The following CPNE8 variants were observed in gnomAD, a reference collection of about 807,000 sequenced individuals.
CPNE8 encodes the protein copine 8.
Under a neutral mutation model 81.5 loss-of-function variants are expected in CPNE8, and 45 were observed. The ratio of observed to expected loss-of-function variants is 0.55; its 90% CI spans 0.44 to 0.71. The LOEUF is 0.71. Ranked by LOEUF, CPNE8 falls within the 30% of genes least tolerant of loss-of-function variation. The probability of loss-of-function intolerance (pLI) is 0.00; values close to 1 mark genes in which losing one functional copy is unlikely to be tolerated. For synonymous variants in CPNE8, 252 were observed against 226.3 expected, an observed-to-expected ratio of 1.11 and a Z score of -1.02; for missense variants, 594 against 672.1, an observed-to-expected ratio of 0.88 and a Z score of 1.28.
Position 38,762,200 on chromosome 12 carries a change from T to C in CPNE8, c.592A>G (p.Lys198Glu). ...NEDGSFTICH[K>E]TEVVKNTLNP... ...AGAGTGTTTTTGACAACTTCTGTCT[T>C]GTGACAAATTGTAAAACTATAAAGA... The change falls in exon 9 of 20, where the codon AAG becomes GAG. Residue 198 changes from lysine to glutamate, a missense_variant. By Grantham distance (56) the Lys-to-Glu change is moderately conservative (BLOSUM62 1). Transcript: ENST00000331366. 1 of 1,583,370 alleles carries C rather than the reference T, an allele frequency of 6.3e-7. No individual in the cohort carries two copies. The highest frequency in any genetic ancestry group is 8.6e-7 in the Non-Finnish European group (1 of 1,162,066).
intron 1 of CPNE8, among the ~76,000 whole-genome samples, chr12:38,896,052 GT>G (rs1944383954): frequency 6.6e-6 from 1 of 152,046 alleles, no homozygotes; most frequent in East Asian, 1.9e-4. Flanking sequence ...TTTATACATT[GT>G]CTGACAAAGA....
Position 38,654,057 on chromosome 12 carries a change from C to G in CPNE8, c.1520G>C (p.Arg507Thr). 1 of 1,602,264 alleles carries G rather than the reference C, an allele frequency of 6.2e-7. No homozygotes were observed. The highest frequency in any genetic ancestry group is 8.5e-7 in the Non-Finnish European group (1 of 1,174,444). Residue 507 changes from arginine (R) to threonine (T), a missense_variant, in exon 20 of 20, where the codon AGG becomes ACG. Transcript: ENST00000331366. ...GTTTCCACTTCTGTCAATATAATCC[C>G]TGAATGGCACAAACTAAAACAGAGA... ...ERDIVQFVPFRDYIDRSGNHI... is the reference protein window; with the variant it reads ...ERDIVQFVPFTDYIDRSGNHI...
chr12:38,842,803 A>T (rs1444690919), intron 4 of CPNE8, among the ~76,000 whole-genome samples: 4 of 151,768 alleles, frequency 2.6e-5, no homozygotes, highest in African/African-American at 9.7e-5. Context: ...GTCTCGAACT[A>T]CTAACCTCAA....
chr12:38,876,470 C>T (rs1379647966), intron 1 of CPNE8, among the ~76,000 whole-genome samples: 4 of 152,206 alleles, frequency 2.6e-5, no homozygotes, highest in South Asian at 2.1e-4. Flanking sequence ...ACCTCTGCCT[C>T]CCAAAGTGCT....
intron 1 of CPNE8, among the ~76,000 whole-genome samples, chr12:38,900,066 A>G (rs1223705389): frequency 1.3e-5 from 2 of 152,152 alleles, no homozygotes; most frequent in Admixed American, 6.5e-5. Context: ...AATTTTGTTT[A>G]TATAATTCAA....
chr12:38,666,238 T>C (rs1231389050), intron 19 of CPNE8, among the ~76,000 whole-genome samples: 1 of 152,314 alleles, frequency 6.6e-6, no homozygotes, highest in South Asian at 2.1e-4. Context: ...TAGATCTTAA[T>C]AATTTTCTTT....
intron 6 of CPNE8, among the ~76,000 whole-genome samples, chr12:38,799,520 C>A (rs1196350294): frequency 6.6e-6 from 1 of 151,928 alleles, no homozygotes; most frequent in Non-Finnish European, 1.5e-5. Flanking sequence ...CACAACATAC[C>A]AGAATCTCTG....
At chr12:38,833,351 C>CAAAAAAAAAAAAAAAAA in intron 5 of CPNE8, among the ~76,000 whole-genome samples, 1 of 61,870 alleles carries the variant, frequency 1.6e-5, no homozygotes, top group Non-Finnish European at 3.5e-5. Context: ...GACCTTATCT[C>CAAAAAAAAAAAAAAAAA]AAAAAAAAAA....
chr12:38,729,666 C>T (rs1047596320), intron 11 of CPNE8, among the ~76,000 whole-genome samples: 1 of 151,910 alleles, frequency 6.6e-6, no homozygotes, highest in African/African-American at 2.4e-5. Flanking sequence ...CTTTGGTATC[C>T]ACATACGTTA....
intron 14 of CPNE8, among the ~76,000 whole-genome samples, chr12:38,700,087 A>G (rs1939901819): frequency 6.6e-6 from 1 of 151,952 alleles, no homozygotes; most frequent in Non-Finnish European, 1.5e-5. Flanking sequence ...CTTGGCTACA[A>G]CCTCCAGTAT....
rs114295241 is a variant in CPNE8 at position 38,793,296 on chromosome 12, G to A, written c.408-16995C>T. On this transcript the variant is annotated intron_variant, in intron 6 of 19. Coordinates refer to ENST00000331366, the MANE Select transcript of CPNE8 (RefSeq NM_153634.3). Reference sequence around the variant, plus strand: ...AATAAAATTATCTCTGTTTACAGAAGAGCTCATGCATTATGTAGAAAATTC... The same window carrying A: ...AATAAAATTATCTCTGTTTACAGAAAAGCTCATGCATTATGTAGAAAATTC... Among the ~76,000 whole-genome samples the A allele has an allele frequency of 3.7e-3, 555 of 150,302 alleles. 3 individuals carry two copies. The highest frequency in any genetic ancestry group is 0.013 in the African/African-American group (532 of 41,046).
chr12:38,797,444 G>C (rs190320939), intron 6 of CPNE8, among the ~76,000 whole-genome samples: 1 of 152,296 alleles, frequency 6.6e-6, no homozygotes, highest in Admixed American at 6.5e-5. Context: ...AACAGGGTCT[G>C]GAGTGGACCT....
chr12:38,755,214 A>C (rs1462847799), intron 10 of CPNE8, among the ~76,000 whole-genome samples: 1 of 152,210 alleles, frequency 6.6e-6, no homozygotes, highest in Non-Finnish European at 1.5e-5. Context: ...TATTGAAATG[A>C]CTACATTTGA....
intron 3 of CPNE8, among the ~76,000 whole-genome samples, chr12:38,869,946 T>C (rs1310598010): frequency 2.0e-5 from 3 of 152,252 alleles, no homozygotes; most frequent in Admixed American, 1.3e-4. Flanking sequence ...TCTTTCTACT[T>C]GTCTTTCTTT....
At chr12:38,831,877 C>A (rs537244975) in intron 5 of CPNE8, among the ~76,000 whole-genome samples, 1 of 152,294 alleles carries the variant, frequency 6.6e-6, no homozygotes, top group South Asian at 2.1e-4. Context: ...CTTATGCGCA[C>A]CTGCAAATAC....
intron 12 of CPNE8, among the ~76,000 whole-genome samples, chr12:38,724,179 C>A (rs1472331676): frequency 6.6e-6 from 1 of 152,084 alleles, no homozygotes; most frequent in Non-Finnish European, 1.5e-5. Flanking sequence ...GTGAGCAAAG[C>A]CTTCAAGAGG....
intron 13 of CPNE8, among the ~76,000 whole-genome samples, chr12:38,705,986 C>A (rs546779551): frequency 6.6e-6 from 1 of 152,108 alleles, no homozygotes; most frequent in African/African-American, 2.4e-5. Flanking sequence ...TGGCTTGTAC[C>A]AGTTAACCAC....
intron 1 of CPNE8, among the ~76,000 whole-genome samples, chr12:38,904,501 C>A (rs1196424306): frequency 7.2e-6 from 1 of 139,066 alleles, no homozygotes; most frequent in Non-Finnish European, 1.5e-5. Context: ...TGGAGTCTTG[C>A]GCTGTCGCCC....
At chr12:38,863,563 CA>C (rs1229523808) in intron 3 of CPNE8, among the ~76,000 whole-genome samples, 1 of 152,040 alleles carries the variant, frequency 6.6e-6, no homozygotes, top group African/African-American at 2.4e-5. Flanking sequence ...AAAATTCTAA[CA>C]AATAGTAGCA....
Sources: allele counts gnomAD v4.1 joint callset (sites outside exome capture counted in the v4.1 genomes callset), GRCh38; gene constraint gnomAD v4.1.1; transcripts MANE v1.5; gene names NCBI Gene and HGNC (gene_info 2026-07-23, HGNC 2026-07-21).